FSTL5: variants seen among roughly 807,000 people sequenced by gnomAD.
The protein encoded by FSTL5 is follistatin like 5.
FSTL5 carries 62 observed loss-of-function variants against 89.1 expected under a neutral mutation model. That is an observed-to-expected ratio of 0.70 (90% CI 0.57 to 0.86). The LOEUF (loss-of-function observed/expected upper bound fraction) is 0.86, where lower values mean the gene tolerates loss of function less well. Ranked by LOEUF, FSTL5 falls within the 40% of genes least tolerant of loss-of-function variation. FSTL5 has a pLI of 0.00. For missense variants in FSTL5, 1,057 were observed against 1,001.6 expected (o/e 1.06, Z -0.75); for synonymous variants, 383 against 346.2 (o/e 1.11, Z -1.18).
In FSTL5 at chr4:161,822,690, C is replaced by G. The variant is rs141547678; in HGVS notation, c.410-46616G>C. 1.8e-4 allele frequency among the ~76,000 whole-genome samples: 27 copies of G among 152,290 alleles called. No individual in the cohort carries two copies. In the East Asian group the frequency reaches 4.4e-3, roughly 25 times the overall value. On this transcript the variant is annotated intron_variant, in intron 4 of 15. Coordinates refer to ENST00000306100, the MANE Select transcript of FSTL5 (RefSeq NM_020116.5). The stretch of plus-strand genomic sequence containing the variant: ...ACTTATCTTCTCTCATTGTCACCCA[C>G]AGTATGGTGAGCGGGGGGGCATGTT...
At chr4:161,716,343 T>A (rs1401434385) in intron 6 of FSTL5, among the ~76,000 whole-genome samples, 1 of 152,092 alleles carries the variant, frequency 6.6e-6, no homozygotes, top group Non-Finnish European at 1.5e-5. Flanking sequence ...CACACCCTAA[T>A]GAAAGCAATT....
At position 161,518,645 on chromosome 4, in the gene FSTL5, C is replaced by G. The variant is rs1271037269; in HGVS notation, c.1313-8221G>C. 3.9e-5 allele frequency among the ~76,000 whole-genome samples: 6 copies of G among 152,062 alleles called. No homozygotes were observed. In the East Asian group the frequency reaches 9.6e-4, roughly 24 times the overall value. ...ACAATCAAATTAGTCTCATTGAATC[C>G]ACGACAAGGTAAGAATTGTTGCTAA... On this transcript the variant is annotated intron_variant, in intron 10 of 15. Coordinates refer to ENST00000306100, the MANE Select transcript of FSTL5 (RefSeq NM_020116.5).
At chr4:161,644,490 C>T (rs1285951583) in intron 7 of FSTL5, among the ~76,000 whole-genome samples, 24 of 149,094 alleles carry the variant, frequency 1.6e-4, no homozygotes, top group Non-Finnish European at 1.5e-5. Context: ...CGCACCATTG[C>T]ACTGCAGCCA....
chr4:161,737,485 C>T (rs1739860201), intron 6 of FSTL5, among the ~76,000 whole-genome samples: 1 of 151,950 alleles, frequency 6.6e-6, no homozygotes, highest in African/African-American at 2.4e-5. Flanking sequence ...AACTATGCTA[C>T]TTTATAACTT....
chr4:162,066,904 T>G (rs1006569760), intron 2 of FSTL5, among the ~76,000 whole-genome samples: 5 of 152,070 alleles, frequency 3.3e-5, no homozygotes, highest in Non-Finnish European at 7.4e-5. Context: ...CATGTGCATG[T>G]GTCTTTATAG....
At chr4:161,425,083 T>G (rs1417314261) in intron 15 of FSTL5, among the ~76,000 whole-genome samples, 1 of 152,220 alleles carries the variant, frequency 6.6e-6, no homozygotes, top group African/African-American at 2.4e-5. Context: ...ATTAGATCTA[T>G]AAATAAATTG....
At chr4:161,978,797 A>C (rs1735736167) in intron 3 of FSTL5, among the ~76,000 whole-genome samples, 1 of 152,116 alleles carries the variant, frequency 6.6e-6, no homozygotes, top group Non-Finnish European at 1.5e-5. Context: ...TTGTTATCTC[A>C]TAATTAAATT....
chr4:162,101,157 T>G (rs1399717971), intron 2 of FSTL5, among the ~76,000 whole-genome samples: 1 of 152,220 alleles, frequency 6.6e-6, no homozygotes, highest in African/African-American at 2.4e-5. Flanking sequence ...CTGCTTTTAT[T>G]TTCATAGAGA....
At chr4:161,494,485 C>T (rs1729996583) in intron 12 of FSTL5, among the ~76,000 whole-genome samples, 1 of 152,134 alleles carries the variant, frequency 6.6e-6, no homozygotes, top group Non-Finnish European at 1.5e-5. Context: ...TAAAGGACAA[C>T]AACAGCAGAG....
intron 1 of FSTL5, among the ~76,000 whole-genome samples, chr4:162,116,681 T>C (rs1166396324): frequency 6.6e-6 from 1 of 152,168 alleles, no homozygotes; most frequent in African/African-American, 2.4e-5. Context: ...GCTGGTATCC[T>C]GTAGGACCGC....
intron 4 of FSTL5, among the ~76,000 whole-genome samples, chr4:161,792,540 C>A (rs896598383): frequency 2.6e-5 from 4 of 152,138 alleles, no homozygotes; most frequent in African/African-American, 7.2e-5. Context: ...CTGCCCATGG[C>A]TGCCAATGGA....
At chr4:161,557,328 ATG>A in intron 8 of FSTL5, among the ~76,000 whole-genome samples, 1 of 151,674 alleles carries the variant, frequency 6.6e-6, no homozygotes, top group East Asian at 2.0e-4. Context: ...ATTATTAAGT[ATG>A]CTAGAATTTT....
chr4:162,027,313 G>A (rs1737332126), intron 3 of FSTL5, among the ~76,000 whole-genome samples: 1 of 151,650 alleles, frequency 6.6e-6, no homozygotes, highest in African/African-American at 2.4e-5. Context: ...AATTTAGAGA[G>A]GTATTTACTT....
chr4:161,751,831 T>A (rs1277194665), intron 6 of FSTL5, among the ~76,000 whole-genome samples: 1 of 152,048 alleles, frequency 6.6e-6, no homozygotes, highest in Non-Finnish European at 1.5e-5. Flanking sequence ...TGCACATTAT[T>A]AATTTTGTAA....
At chr4:161,578,622 T>TATCTCTA (rs1236617925) in intron 8 of FSTL5, among the ~76,000 whole-genome samples, 1 of 152,092 alleles carries the variant, frequency 6.6e-6, no homozygotes, top group African/African-American at 2.4e-5. Flanking sequence ...GTAGCTGAGT[T>TATCTCTA]ATCTCTAGCA....
intron 4 of FSTL5, among the ~76,000 whole-genome samples, chr4:161,848,162 C>A (rs1003495584): frequency 2.7e-5 from 4 of 149,570 alleles, no homozygotes; most frequent in East Asian, 4.0e-4. Context: ...TTTCAGAATA[C>A]TAAAATGACT....
intron 3 of FSTL5, among the ~76,000 whole-genome samples, chr4:161,939,897 A>C (rs758188127): frequency 6.6e-6 from 1 of 151,498 alleles, no homozygotes; most frequent in Non-Finnish European, 1.5e-5. Context: ...AGCTCCAAAA[A>C]ACAGTCAAAA....
At chr4:161,724,596 G>A (rs985607068) in intron 6 of FSTL5, among the ~76,000 whole-genome samples, 1 of 152,074 alleles carries the variant, frequency 6.6e-6, no homozygotes, top group Non-Finnish European at 1.5e-5. Context: ...ATATCTTCAC[G>A]TTTGTTTGAT....
intron 4 of FSTL5, among the ~76,000 whole-genome samples, chr4:161,883,770 T>A (rs933873524): frequency 6.6e-6 from 1 of 152,180 alleles, no homozygotes; most frequent in Non-Finnish European, 1.5e-5. Flanking sequence ...TTCACACGTC[T>A]GAGATTCTCC....
Sources: allele counts gnomAD v4.1 joint callset (sites outside exome capture counted in the v4.1 genomes callset), GRCh38; gene constraint gnomAD v4.1.1; transcripts MANE v1.5; gene names NCBI Gene and HGNC (gene_info 2026-07-23, HGNC 2026-07-21).